Variants in CEP135 observed in about 807,000 individuals in gnomAD.
CEP135 encodes the protein centrosomal protein 135.
Under a neutral mutation model 157.3 loss-of-function variants are expected in CEP135, and 142 were observed. The observed-to-expected ratio is 0.90, with a 90% confidence interval of 0.79 to 1.04. The LOEUF is 1.04. Ranked by LOEUF, CEP135 falls within the 50% of genes least tolerant of loss-of-function variation. The pLI is 0.00. For synonymous variants in CEP135, 396 were observed against 439.8 expected (o/e 0.90, Z 1.25); for missense variants, 1,317 against 1,309.2 (o/e 1.01, Z -0.09).
chr4:55,969,056 T>G lies in CEP135; in HGVS notation c.1045-7T>G, dbSNP rs1277435072. 6.2e-7 allele frequency: 1 copy of G among 1,601,662 alleles called. No individual in the cohort carries two copies. The highest frequency in any genetic ancestry group is 1.7e-5 in the Admixed American group (1 of 57,646). On this transcript the variant is annotated splice_region_variant and splice_polypyrimidine_tract_variant and intron_variant, in intron 8 of 25. Coordinates refer to ENST00000257287, the MANE Select transcript of CEP135 (RefSeq NM_025009.5). ...AAGTATATACCTAATAGGCTTTTTA[T>G]TCCTAGAAAGAGATTAAAAGAAAGC...
chr4:55,952,160 T>C lies in CEP135; in HGVS notation c.30T>C (p.Ile10=), dbSNP rs1728377003. 6.2e-7 allele frequency: 1 copy of C among 1,611,248 alleles called. No homozygotes were observed. Among genetic ancestry groups the C allele is most frequent in the Non-Finnish European group, 8.5e-7 (1 of 1,177,454 alleles). Residue 10 remains isoleucine (I), a synonymous_variant, in exon 2 of 26, where the codon ATT becomes ATC. Coordinates refer to ENST00000257287, the MANE Select transcript of CEP135 (RefSeq NM_025009.5). ...CTACAGCTGTAGAGAGAAAGTATAT[T>C]AATATTAGGAAAAGGCTGGATCAGC... MTTAVERKY[I]NIRKRLDQLG... is the part of the protein sequence containing the mutation.
At chr4:55,969,799 A>T (rs1470574560) in intron 9 of CEP135, among the ~76,000 whole-genome samples, 2 of 152,216 alleles carry the variant, frequency 1.3e-5, no homozygotes, top group Admixed American at 1.3e-4. Context: ...GGAGTTAATT[A>T]CTTGAAATAT....
rs1368509094 is a variant in CEP135, at chr4:56,031,883, A to T, written c.*535A>T. 6.6e-6 allele frequency: 1 copy of T among 152,222 alleles called. No homozygotes were observed. The highest frequency in any genetic ancestry group is 1.9e-4 in the East Asian group (1 of 5,206). 9.4% of individuals were successfully genotyped at this position (152,222 alleles called of 1,614,324 possible). A position where few individuals can be genotyped will look rare whatever the true frequency, so the allele number is the denominator to read the frequency against. On this transcript the variant is annotated 3_prime_UTR_variant, in exon 26 of 26. Transcript: ENST00000257287. ...TGTCAAGGGGAATATATTCAGGTCT[A>T]GTCTTCTTATAATAGCAGAGGTCTT...
At chr4:55,969,154 C>A in intron 9 of CEP135, 26 bp downstream of exon 9, 1 of 1,601,178 alleles carries the variant, frequency 6.2e-7, no homozygotes, top group South Asian at 1.1e-5. Flanking sequence ...GTTGAATTGC[C>A]AGCATTTTCA....
At chr4:56,022,744 A>ATCTGACTTTTG (rs1731010576) in intron 24 of CEP135, among the ~76,000 whole-genome samples, 1 of 152,196 alleles carries the variant, frequency 6.6e-6, no homozygotes, top group African/African-American at 2.4e-5. Flanking sequence ...ATTCTTTCCA[A>ATCTGACTTTTG]TCTGACTTTT....
At chr4:56,001,122 A>C (rs985484918) in intron 17 of CEP135, among the ~76,000 whole-genome samples, 5 of 151,904 alleles carry the variant, frequency 3.3e-5, no homozygotes, top group African/African-American at 1.2e-4. Context: ...TTTGCTATTG[A>C]GTTGTTTGGG....
chr4:55,953,986 T>C (rs1728435350), intron 3 of CEP135, among the ~76,000 whole-genome samples: 5 of 152,248 alleles, frequency 3.3e-5, no homozygotes, highest in Admixed American at 3.3e-4. Flanking sequence ...AGCTATGATG[T>C]ACGTTAGGCT....
chr4:55,971,039 C>T (rs939109221), intron 9 of CEP135, among the ~76,000 whole-genome samples: 1 of 152,026 alleles, frequency 6.6e-6, no homozygotes, highest in African/African-American at 2.4e-5. Flanking sequence ...GCTAAACTAA[C>T]TAGAAGAAAA....
At chr4:55,989,613 C>T (rs1729718439) in intron 14 of CEP135, among the ~76,000 whole-genome samples, 1 of 152,260 alleles carries the variant, frequency 6.6e-6, no homozygotes, top group African/African-American at 2.4e-5. Flanking sequence ...GAACAGTTTG[C>T]TACACATTTA....
intron 18 of CEP135, among the ~76,000 whole-genome samples, chr4:56,008,946 G>A (rs1439399457): frequency 2.6e-5 from 4 of 152,174 alleles, no homozygotes; most frequent in Non-Finnish European, 4.4e-5. Context: ...CGCACAGGCT[G>A]GAGTGTAGTG....
In CEP135 at chr4:55,952,999, T is replaced by C; in HGVS notation, c.114-86T>C. The C allele has an allele frequency of 2.6e-6, 3 of 1,174,054 alleles. No individual in the cohort carries two copies. The South Asian group carries it at 5.2e-5, about 20-fold the overall frequency. The allele number at this position is 1,174,054 out of a possible 1,614,324, so 72.7% of individuals were successfully genotyped here. A position where few individuals can be genotyped will look rare whatever the true frequency, so the allele number is the denominator to read the frequency against. ...AATGTCATCATGTGGTGCATGACTG[T>C]ATTTTAAGCCTCTTTAGAAATATGT... On this transcript the variant is annotated intron_variant, in intron 2 of 25. Coordinates refer to ENST00000257287, the MANE Select transcript of CEP135 (RefSeq NM_025009.5).
intron 25 of CEP135, among the ~76,000 whole-genome samples, chr4:56,026,368 G>C (rs997943205): frequency 6.6e-6 from 1 of 152,050 alleles, no homozygotes; most frequent in Non-Finnish European, 1.5e-5. Context: ...CATAAGCCCT[G>C]GTCTAAAAGT....
chr4:56,002,864 T>G (rs1267537683), intron 17 of CEP135, among the ~76,000 whole-genome samples: 1 of 152,160 alleles, frequency 6.6e-6, no homozygotes. Flanking sequence ...CCTGGACTTT[T>G]CTTTTGTGGA....
At chr4:56,017,148 G>A (rs1730803715) in intron 21 of CEP135, among the ~76,000 whole-genome samples, 1 of 151,862 alleles carries the variant, frequency 6.6e-6, no homozygotes, top group Admixed American at 6.6e-5. Context: ...CATTATTTCA[G>A]TTATTAAAAT....
In CEP135 at chr4:56,011,463, A is replaced by T; in HGVS notation, c.2557A>T (p.Ser853Cys). 1 of 1,612,856 alleles carries T rather than the reference A, an allele frequency of 6.2e-7. No individual in the cohort carries two copies. The change falls in exon 20 of 26, where the codon AGC becomes TGC. Residue 853 changes from serine (S) to cysteine (C), a missense_variant. Ser to Cys is a moderately radical substitution (Grantham distance 112). Coordinates refer to ENST00000257287, the MANE Select transcript of CEP135 (RefSeq NM_025009.5). ...AAVQEKEEMK[S>C]RVHKYITEVS... ...AGTGCAAGAAAAAGAAGAAATGAAG[A>T]GCAGAGTTCATAAATACATAACAGA...
intron 14 of CEP135, among the ~76,000 whole-genome samples, chr4:55,986,716 C>T (rs1729600743): frequency 6.6e-6 from 1 of 152,100 alleles, no homozygotes. Context: ...TATGGGTATA[C>T]TGTGTGATGC....
chr4:55,952,058 A>G (rs1728374357), intron 1 of CEP135, 28 bp from the exon 2 acceptor site: 2 of 711,604 alleles, frequency 2.8e-6, no homozygotes, highest in East Asian at 5.1e-5. Flanking sequence ...CTATAATAAG[A>G]TAATGATGTT....
rs773032800 is a variant in CEP135, at chr4:56,019,460, C to T, written c.3120C>T (p.Asn1040=). 8 of 1,613,708 alleles carry T rather than the reference C, an allele frequency of 5.0e-6. No homozygotes were observed. In the Admixed American group the frequency reaches 1.3e-4, roughly 27 times the overall value. ...ACCTCGAATCATTGTTGGCTACAAACAGAGATAAAGAATTTCATTCTCACT... is the reference window on the plus strand; with the variant it reads ...ACCTCGAATCATTGTTGGCTACAAATAGAGATAAAGAATTTCATTCTCACT... ...VKNLESLLAT[N]RDKEFHSHLT... is the part of the protein sequence containing the mutation. Residue 1040 remains asparagine (N), a synonymous_variant, in exon 23 of 26, where the codon AAC becomes AAT. Transcript: ENST00000257287.
At chr4:55,957,427 T>G (rs1355289007) in intron 5 of CEP135, 63 bp downstream of exon 5, 3 of 1,512,868 alleles carry the variant, frequency 2.0e-6, no homozygotes, top group East Asian at 2.3e-5. Context: ...GTAAGTTTCT[T>G]GATAGGAGGG....
Sources: allele counts gnomAD v4.1 joint callset (sites outside exome capture counted in the v4.1 genomes callset), GRCh38; gene constraint gnomAD v4.1.1; transcripts MANE v1.5; gene names NCBI Gene and HGNC (gene_info 2026-07-23, HGNC 2026-07-21).